IMMP2L: variants seen among roughly 807,000 people sequenced by gnomAD.
IMMP2L encodes inner mitochondrial membrane peptidase subunit 2, also known as mitochondrial inner membrane protease subunit 2.
A neutral mutation model predicts 19.3 loss-of-function variants in IMMP2L; 18 were observed. The observed-to-expected ratio is 0.93, with a 90% CI of 0.64 to 1.38. The LOEUF (loss-of-function observed/expected upper bound fraction) is 1.38, where lower values mean the gene tolerates loss of function less well. Ranked by LOEUF, IMMP2L falls within the 40% of genes most tolerant of loss-of-function variation. The probability of loss-of-function intolerance (pLI) is 0.00; values close to 1 mark genes in which losing one functional copy is unlikely to be tolerated. For synonymous variants in IMMP2L, 76 were observed against 73.0 expected (o/e 1.04, Z -0.21); for missense variants, 233 against 218.2 (o/e 1.07, Z -0.43).
chr7:110,885,048 A>G lies in IMMP2L; in HGVS notation c.408+1545T>C, dbSNP rs193245499. ...ATTTTATTAGAGACCACCGACATTAAATTTTAGAAAAAAACTATATGGATA... is the reference window on the plus strand; with the variant it reads ...ATTTTATTAGAGACCACCGACATTAGATTTTAGAAAAAAACTATATGGATA... On this transcript the variant is annotated intron_variant, in intron 5 of 5. Transcript: ENST00000405709. 2.1e-3 allele frequency among the ~76,000 whole-genome samples: 315 copies of G among 152,210 alleles called. 2 individuals carry two copies. Among genetic ancestry groups the G allele is most frequent in the African/African-American group, 7.0e-3 (291 of 41,562 alleles).
chr7:110,747,267 C>A (rs954098519), intron 5 of IMMP2L, among the ~76,000 whole-genome samples: 5 of 152,002 alleles, frequency 3.3e-5, no homozygotes, highest in African/African-American at 9.7e-5. Context: ...AATAGCCTAC[C>A]AACCAAAAAA....
intron 4 of IMMP2L, among the ~76,000 whole-genome samples, chr7:110,913,167 T>C (rs957730495): frequency 1.3e-5 from 2 of 152,152 alleles, no homozygotes; most frequent in Non-Finnish European, 2.9e-5. Context: ...AGGAGCAGTT[T>C]TCCCCCTTCT....
At chr7:110,957,231 A>G (rs894209723) in intron 4 of IMMP2L, among the ~76,000 whole-genome samples, 1 of 151,980 alleles carries the variant, frequency 6.6e-6, no homozygotes, top group African/African-American at 2.4e-5. Context: ...ATTCAGCTGA[A>G]TTCTCTGAAA....
intron 5 of IMMP2L, among the ~76,000 whole-genome samples, chr7:110,869,097 G>T (rs780988656): frequency 6.6e-6 from 1 of 151,890 alleles, no homozygotes; most frequent in Non-Finnish European, 1.5e-5. Flanking sequence ...TTGGTCATAC[G>T]CAACAGAAAC....
intron 4 of IMMP2L, among the ~76,000 whole-genome samples, chr7:110,936,631 A>T (rs2129552420): frequency 6.6e-6 from 1 of 152,322 alleles, no homozygotes; most frequent in East Asian, 1.9e-4. Context: ...CCATTGTGGA[A>T]GACAGTGTGG....
chr7:111,445,701 G>C (rs1435399925), intron 3 of IMMP2L, among the ~76,000 whole-genome samples: 1 of 152,148 alleles, frequency 6.6e-6, no homozygotes, highest in Non-Finnish European at 1.5e-5. Context: ...GGAAGAGGAG[G>C]AGCCAAGATG....
At chr7:111,524,350 AT>A (rs1846632200) in intron 1 of IMMP2L, among the ~76,000 whole-genome samples, 1 of 152,134 alleles carries the variant, frequency 6.6e-6, no homozygotes, top group Admixed American at 6.6e-5. Flanking sequence ...AGGAAAAAAA[AT>A]AGTTACTACG....
At chr7:111,322,862 T>C (rs1030375984) in intron 3 of IMMP2L, among the ~76,000 whole-genome samples, 1 of 151,814 alleles carries the variant, frequency 6.6e-6, no homozygotes, top group Non-Finnish European at 1.5e-5. Flanking sequence ...AAATGAGGAA[T>C]GCATCTATAT....
chr7:111,462,809 A>C (rs568778888), intron 3 of IMMP2L, among the ~76,000 whole-genome samples: 1 of 152,266 alleles, frequency 6.6e-6, no homozygotes, highest in East Asian at 1.9e-4. Context: ...CAAGGTCTGC[A>C]TCTCCAAAAT....
chr7:111,356,323 G>C (rs937773519), intron 3 of IMMP2L, among the ~76,000 whole-genome samples: 15 of 151,400 alleles, frequency 9.9e-5, no homozygotes, highest in African/African-American at 3.2e-4. Context: ...TAGACTTTTT[G>C]TTCTTGTCAT....
At chr7:110,955,992 G>C (rs1654102934) in intron 4 of IMMP2L, among the ~76,000 whole-genome samples, 1 of 151,632 alleles carries the variant, frequency 6.6e-6, no homozygotes, top group Non-Finnish European at 1.5e-5. Context: ...ACTCAATTTA[G>C]TTCTGTTTTT....
intron 1 of IMMP2L, among the ~76,000 whole-genome samples, chr7:111,538,456 T>C (rs1848095735): frequency 6.6e-6 from 1 of 151,690 alleles, no homozygotes; most frequent in Non-Finnish European, 1.5e-5. Context: ...ATGAAGAAAG[T>C]GGTTTTTAAA....
At chr7:111,242,378 T>C (rs1815189408) in intron 3 of IMMP2L, among the ~76,000 whole-genome samples, 1 of 152,118 alleles carries the variant, frequency 6.6e-6, no homozygotes, top group South Asian at 2.1e-4. Context: ...ATTGCAGTCA[T>C]TTTGATTCAA....
chr7:111,144,560 CT>C (rs1048533626), intron 3 of IMMP2L, among the ~76,000 whole-genome samples: 31 of 152,178 alleles, frequency 2.0e-4, no homozygotes, highest in African/African-American at 6.5e-4. Context: ...GTTTTCACTT[CT>C]TTTTCCCCTT....
intron 3 of IMMP2L, among the ~76,000 whole-genome samples, chr7:111,450,466 C>T (rs912985818): frequency 6.6e-5 from 10 of 151,994 alleles, no homozygotes; most frequent in East Asian, 1.9e-4. Context: ...GGAAAGGATT[C>T]CCTATTTAAT....
chr7:111,334,071 T>C (rs1826150362), intron 3 of IMMP2L, among the ~76,000 whole-genome samples: 1 of 152,074 alleles, frequency 6.6e-6, no homozygotes, highest in Non-Finnish European at 1.5e-5. Flanking sequence ...TAAACAATTA[T>C]AAGCACACTA....
intron 2 of IMMP2L, among the ~76,000 whole-genome samples, chr7:111,495,220 C>T (rs959138361): frequency 2.6e-5 from 4 of 152,038 alleles, no homozygotes; most frequent in African/African-American, 9.7e-5. Flanking sequence ...CATTTTCTCC[C>T]TCCCTACTGC....
intron 3 of IMMP2L, among the ~76,000 whole-genome samples, chr7:111,016,542 TA>T (rs1332106260): frequency 1.7e-5 from 2 of 120,422 alleles, no homozygotes; most frequent in Non-Finnish European, 3.2e-5. Context: ...TTATATATTA[TA>T]ATATATAGTA....
intron 3 of IMMP2L, among the ~76,000 whole-genome samples, chr7:111,105,760 GA>G (rs201925401): frequency 8.6e-5 from 13 of 150,594 alleles, no homozygotes; most frequent in South Asian, 2.1e-4. Context: ...AAGGTGAAAA[GA>G]AAAAAAAATC....
Sources: gnomAD v4.1 joint callset for allele counts (sites outside exome capture counted in the v4.1 genomes callset) on GRCh38, gnomAD v4.1.1 for gene constraint, MANE v1.5 for transcripts, NCBI Gene and HGNC (gene_info 2026-07-23, HGNC 2026-07-21) for gene names.